Variants in FREM3 observed in about 807,000 individuals in gnomAD.
FREM3 encodes the protein FRAS1-related extracellular matrix protein 3.
FREM3 carries 105 observed loss-of-function variants against 129.1 expected under a neutral mutation model. The ratio of observed to expected loss-of-function variants is 0.81; its 90% CI spans 0.69 to 0.96. The LOEUF (loss-of-function observed/expected upper bound fraction) is 0.96, where lower values mean the gene tolerates loss of function less well. Ranked by LOEUF, FREM3 falls within the 40% of genes least tolerant of loss-of-function variation. The pLI is 0.00. For synonymous variants in FREM3, 1,014 were observed against 1,044.9 expected, an observed-to-expected ratio of 0.97 and a Z score of 0.57; for missense variants, 2,593 against 2,666.3, an observed-to-expected ratio of 0.97 and a Z score of 0.61.
intron 2 of FREM3, among the ~76,000 whole-genome samples, chr4:143,683,822 G>A (rs963896674): frequency 1.3e-5 from 2 of 152,156 alleles, no homozygotes; most frequent in South Asian, 4.1e-4. Flanking sequence ...GTTGTGGGGG[G>A]CATGGTGAAA....
chr4:143,644,846 G>A (rs758717104), intron 2 of FREM3, among the ~76,000 whole-genome samples: 1 of 152,240 alleles, frequency 6.6e-6, no homozygotes, highest in East Asian at 1.9e-4. Context: ...GTTATATTAG[G>A]GTAGGTGGCC....
intron 2 of FREM3, among the ~76,000 whole-genome samples, chr4:143,684,415 TG>T (rs1282651669): frequency 1.3e-5 from 2 of 152,136 alleles, no homozygotes; most frequent in Non-Finnish European, 2.9e-5. Flanking sequence ...ACACAATCAC[TG>T]TAGTTCGGCT....
At chr4:143,616,873 TC>T (rs1175547709) in intron 5 of FREM3, among the ~76,000 whole-genome samples, 1 of 152,012 alleles carries the variant, frequency 6.6e-6, no homozygotes, top group Non-Finnish European at 1.5e-5. Context: ...AAAAATCCAA[TC>T]GGAGAAGTGG....
intron 2 of FREM3, among the ~76,000 whole-genome samples, chr4:143,678,598 A>G (rs531579408): frequency 1.3e-5 from 2 of 152,092 alleles, no homozygotes; most frequent in African/African-American, 2.4e-5. Context: ...CAACTATGGA[A>G]TTTAGGAAAA....
At chr4:143,658,062 C>T (rs1301286586) in intron 2 of FREM3, among the ~76,000 whole-genome samples, 1 of 152,210 alleles carries the variant, frequency 6.6e-6, no homozygotes, top group Non-Finnish European at 1.5e-5. Context: ...ATTTTACTGC[C>T]ATCTCCTCTT....
chr4:143,673,387 G>A (rs1045225449), intron 2 of FREM3, among the ~76,000 whole-genome samples: 1 of 152,224 alleles, frequency 6.6e-6, no homozygotes, highest in South Asian at 2.1e-4. Context: ...GGTATCACGA[G>A]CAGAGGCTGC....
In FREM3 at chr4:143,696,191, T is replaced by A; in HGVS notation, c.4485A>T (p.Lys1495Asn). 1 of 1,537,794 alleles carries A rather than the reference T, an allele frequency of 6.5e-7. No homozygotes were observed. Among genetic ancestry groups the A allele is most frequent in the Non-Finnish European group, 8.7e-7 (1 of 1,147,050 alleles). Reference sequence around the variant, plus strand: ...CATTTGAAGTATGGACATAGGATATTTTGTTGCTAGCCAATTGAAGTTGAG... The same window carrying A: ...CATTTGAAGTATGGACATAGGATATATTGTTGCTAGCCAATTGAAGTTGAG... ...SFTQLQLASN[K>N]ISYVHTSNDE... Residue 1495 changes from lysine (K) to asparagine (N), a missense_variant, in exon 1 of 8, where the codon AAA becomes AAT. Around this residue, in one of 2 missense-constraint regions of FREM3, gnomAD observed 2,276 missense variants for 2,267.2 expected, o/e 1.00. Coordinates refer to ENST00000329798, the MANE Select transcript of FREM3 (RefSeq NM_001168235.2).
chr4:143,634,429 G>A (rs1739199674), intron 2 of FREM3, among the ~76,000 whole-genome samples: 1 of 152,102 alleles, frequency 6.6e-6, no homozygotes, highest in Admixed American at 6.6e-5. Context: ...GACCCCAGCG[G>A]CTTATCTGAC....
chr4:143,682,541 T>C (rs60701711), intron 2 of FREM3, among the ~76,000 whole-genome samples: 17,508 of 152,172 alleles, frequency 0.12, 2,860 homozygotes, highest in African/African-American at 0.36. Flanking sequence ...TGCTTGGGTC[T>C]GCTCCCACAC....
chr4:143,670,902 C>A (rs141704381), intron 2 of FREM3, among the ~76,000 whole-genome samples: 1 of 151,876 alleles, frequency 6.6e-6, no homozygotes, highest in African/African-American at 2.4e-5. Context: ...AAAAAATAAG[C>A]CTGTGTTTCA....
At chr4:143,581,665 G>A (rs1738145282) in intron 7 of FREM3, among the ~76,000 whole-genome samples, 1 of 151,996 alleles carries the variant, frequency 6.6e-6, no homozygotes, top group African/African-American at 2.4e-5. Context: ...CCTCTACCGT[G>A]CCAGTTGCCA....
At position 143,698,728 on chromosome 4, in the gene FREM3, T is replaced by A; in HGVS notation, c.1948A>T (p.Ile650Leu). Reference protein sequence around the residue: ...KVVTEWLQRDIMEGRLFYRHL... With the variant: ...KVVTEWLQRDLMEGRLFYRHL... ...CGGTAGAAGAGTCTCCCTTCCATTA[T>A]GTCTCTCTGTAGCCACTCAGTCACC... The change falls in exon 1 of 8, where the codon ATA (isoleucine) becomes TTA (leucine). Residue 650 changes from isoleucine to leucine, a missense_variant. This residue lies in a region of FREM3 where 2,276 missense variants were observed against 2,267.2 expected (regional missense o/e 1.00). Coordinates refer to ENST00000329798, the MANE Select transcript of FREM3 (RefSeq NM_001168235.2). 9 of 1,537,346 alleles carry A rather than the reference T, an allele frequency of 5.9e-6. No homozygotes were observed. The highest frequency in any genetic ancestry group is 7.8e-6 in the Non-Finnish European group (9 of 1,146,936).
chr4:143,678,247 G>C (rs1392124703), intron 2 of FREM3, among the ~76,000 whole-genome samples: 1 of 152,084 alleles, frequency 6.6e-6, no homozygotes, highest in Non-Finnish European at 1.5e-5. Flanking sequence ...GTAGAGACAT[G>C]GATAAAGCTG....
At chr4:143,619,009 C>G (rs1738902768) in intron 5 of FREM3, among the ~76,000 whole-genome samples, 1 of 152,196 alleles carries the variant, frequency 6.6e-6, no homozygotes, top group Non-Finnish European at 1.5e-5. Flanking sequence ...GATAACATCT[C>G]TAACTGTGGG....
rs1048069552 is a variant in FREM3, at chr4:143,699,620, G to A, written c.1056C>T (p.His352=). 16 of 1,529,404 alleles carry A rather than the reference G, an allele frequency of 1.0e-5. No homozygotes were observed. In the Admixed American group the frequency reaches 1.8e-4, roughly 17 times the overall value. The allele number at this position is 1,529,404 out of a possible 1,614,324, so 94.7% of individuals were successfully genotyped here. The change falls in exon 1 of 8, where the codon CAC becomes CAT. Residue 352 remains histidine (H), a synonymous_variant. Transcript: ENST00000329798. This position sits in a 1 kb window ranked among gnomAD's most constrained non-coding sequence, Gnocchi z 4.2. The part of the protein sequence containing the change: ...LVFNILNAPT[H]PPGHPGQQGY... The stretch of plus-strand genomic sequence containing the variant: ...CCTGTTGCCCCGGGTGCCCTGGTGG[G>A]TGAGTGGGGGCGTTCAGAATGTTGA...
chr4:143,624,208 A>G lies in FREM3; in HGVS notation c.5553T>C (p.Tyr1851=). 1 of 1,536,610 alleles carries G rather than the reference A, an allele frequency of 6.5e-7. No individual in the cohort carries two copies. Among genetic ancestry groups the G allele is most frequent in the Non-Finnish European group, 8.7e-7 (1 of 1,146,326 alleles). Residue 1851 remains tyrosine, a synonymous_variant, in exon 4 of 8, where the codon TAT becomes TAC. Transcript: ENST00000329798. The part of the protein sequence containing the change: ...WRVRIIPDNE[Y]ETSETFQIIL... ...TGATCTGGAAGGTCTCTGAAGTCTC[A>G]TATTCATTGTCAGGTATAATTCTCA...
At chr4:143,671,045 A>G (rs994462103) in intron 2 of FREM3, among the ~76,000 whole-genome samples, 9 of 152,292 alleles carry the variant, frequency 5.9e-5, no homozygotes, top group East Asian at 1.9e-4. Flanking sequence ...TCTATTTTCA[A>G]AAAGTCTCCC....
intron 2 of FREM3, among the ~76,000 whole-genome samples, chr4:143,631,812 G>A (rs1347518117): frequency 6.6e-6 from 1 of 151,920 alleles, no homozygotes; most frequent in Admixed American, 6.6e-5. Flanking sequence ...AACTTACAAG[G>A]GCATGGTACA....
chr4:143,644,616 T>G (rs754331656), intron 2 of FREM3, among the ~76,000 whole-genome samples: 1 of 152,140 alleles, frequency 6.6e-6, no homozygotes, highest in African/African-American at 2.4e-5. Flanking sequence ...ATAGTAATAA[T>G]TATAATAATA....
Sources: gnomAD v4.1 joint callset for allele counts (sites outside exome capture counted in the v4.1 genomes callset) on GRCh38, gnomAD v4.1.1 for gene constraint, gnomAD v4.1.1 regional missense constraint, Gnocchi (gnomAD v3.1) non-coding constraint, MANE v1.5 for transcripts, NCBI Gene and HGNC (gene_info 2026-07-23, HGNC 2026-07-21) for gene names.